Variants in EPM2A observed in about 807,000 individuals in gnomAD.
The protein encoded by EPM2A is laforin.
In EPM2A, 21 loss-of-function variants were observed where a neutral mutation model predicts 26.5. The ratio of observed to expected loss-of-function variants is 0.79; its 90% CI spans 0.56 to 1.14. The LOEUF is 1.14. Among genes scored for constraint, EPM2A ranks in the 50% most tolerant of loss-of-function variants. EPM2A has a pLI of 0.00. For missense variants in EPM2A, 458 were observed against 440.8 expected (o/e 1.04, Z -0.35); for synonymous variants, 217 against 177.6 (o/e 1.22, Z -1.76).
intron 2 of EPM2A, among the ~76,000 whole-genome samples, chr6:145,571,786 A>G (rs895504568): frequency 6.6e-6 from 1 of 152,170 alleles, no homozygotes; most frequent in Non-Finnish European, 1.5e-5. Context: ...CACTTTGTTC[A>G]TGGGCCCACT....
intron 2 of EPM2A, among the ~76,000 whole-genome samples, chr6:145,603,277 A>T (rs1230573421): frequency 8.5e-6 from 1 of 117,692 alleles, no homozygotes; most frequent in Non-Finnish European, 1.8e-5. Flanking sequence ...TTATCTCTAA[A>T]TTAAAAAAAA....
chr6:145,476,857 T>G (rs1779549878), intron 4 of EPM2A, among the ~76,000 whole-genome samples: 2 of 151,458 alleles, frequency 1.3e-5, no homozygotes, highest in Non-Finnish European at 3.0e-5. Context: ...AAGAAAAACT[T>G]CAAATAAACA....
intron 2 of EPM2A, among the ~76,000 whole-genome samples, chr6:145,676,478 T>G (rs1780050167): frequency 6.6e-6 from 1 of 151,914 alleles, no homozygotes; most frequent in African/African-American, 2.4e-5. Flanking sequence ...AAAAAATCAA[T>G]GAATCCAGGA....
intron 4 of EPM2A, among the ~76,000 whole-genome samples, chr6:145,430,290 T>C (rs954293187): frequency 1.6e-4 from 25 of 152,106 alleles, no homozygotes; most frequent in African/African-American, 5.6e-4. Context: ...ATATTTCATG[T>C]GGAAACAGGA....
At chr6:145,500,638 G>A (rs1753493554), downstream of EPM2A, among the ~76,000 whole-genome samples, 1 of 152,092 alleles carries the variant, frequency 6.6e-6, no homozygotes, top group Admixed American at 6.5e-5. Context: ...ACAAACACAT[G>A]GCTCCTGAGA....
intron 2 of EPM2A, among the ~76,000 whole-genome samples, chr6:145,667,783 G>T (rs1460689340): frequency 2.9e-5 from 4 of 135,782 alleles, no homozygotes; most frequent in African/African-American, 6.0e-5. Context: ...AACAATGATA[G>T]ACTGGATTAA....
At chr6:145,606,263 G>C (rs938548678) in intron 2 of EPM2A, among the ~76,000 whole-genome samples, 5 of 151,912 alleles carry the variant, frequency 3.3e-5, no homozygotes, top group Non-Finnish European at 7.4e-5. Context: ...ATTTAATATG[G>C]CATTTCTTAA....
intron 4 of EPM2A, among the ~76,000 whole-genome samples, chr6:145,409,471 A>G: frequency 6.6e-6 from 1 of 152,200 alleles, no homozygotes; most frequent in East Asian, 1.9e-4. Flanking sequence ...TAATTATGCT[A>G]TGATGTTTAA....
intron 4 of EPM2A, among the ~76,000 whole-genome samples, chr6:145,435,756 CT>C (rs1778981735): frequency 6.6e-6 from 1 of 151,548 alleles, no homozygotes. Flanking sequence ...TTGTATCTGG[CT>C]TCTTTCATAT....
intron 2 of EPM2A, among the ~76,000 whole-genome samples, chr6:145,680,725 C>A (rs974850312): frequency 3.1e-4 from 47 of 152,240 alleles, no homozygotes; most frequent in African/African-American, 1.0e-3. Flanking sequence ...ATGAACTCAT[C>A]ATTTTTTATG....
chr6:145,498,267 C>T (rs552151680), downstream of EPM2A, among the ~76,000 whole-genome samples: 1 of 152,302 alleles, frequency 6.6e-6, no homozygotes, highest in South Asian at 2.1e-4. Flanking sequence ...AATTCCAAGC[C>T]AGTGAGTCTT....
chr6:145,569,104 A>G (rs1780922128), intron 2 of EPM2A, among the ~76,000 whole-genome samples: 1 of 152,256 alleles, frequency 6.6e-6, no homozygotes, highest in African/African-American at 2.4e-5. Flanking sequence ...AGTCAGAGAA[A>G]GGAAAAGCAA....
At chr6:145,452,679 ACT>A (rs57153224) in intron 4 of EPM2A, among the ~76,000 whole-genome samples, 88,002 of 143,522 alleles carry the variant, frequency 0.61, 28,969 homozygotes, top group East Asian at 0.8. Flanking sequence ...ACAGAGCAAG[ACT>A]CTGTCTCAAA....
At chr6:145,572,986 C>T (rs1780980630) in intron 2 of EPM2A, among the ~76,000 whole-genome samples, 2 of 152,212 alleles carry the variant, frequency 1.3e-5, no homozygotes, top group South Asian at 4.1e-4. Flanking sequence ...TTATCCTTCA[C>T]CTTAGAAGGA....
intron 2 of EPM2A, among the ~76,000 whole-genome samples, chr6:145,575,401 G>A (rs1371280730): frequency 1.3e-5 from 2 of 152,066 alleles, no homozygotes; most frequent in Non-Finnish European, 2.9e-5. Flanking sequence ...TTTGTTGCAG[G>A]TCAGCCACTT....
At chr6:145,713,260 T>C (rs986926143) in intron 1 of EPM2A, among the ~76,000 whole-genome samples, 3 of 152,198 alleles carry the variant, frequency 2.0e-5, no homozygotes, top group African/African-American at 4.8e-5. Flanking sequence ...GCTTATTTTG[T>C]GGTTTCCTAT....
At chr6:145,694,151 T>A (rs185941271) in intron 1 of EPM2A, among the ~76,000 whole-genome samples, 140 of 152,132 alleles carry the variant, frequency 9.2e-4, no homozygotes, top group African/African-American at 3.1e-3. Flanking sequence ...ATTTGAACTA[T>A]CCTCTTTGGA....
In EPM2A at chr6:145,533,138, T is replaced by C. The variant is rs190348582; in HGVS notation, c.341-30563A>G. The stretch of plus-strand genomic sequence containing the variant: ...AAAACACAACAAAAAAATACCTGTT[T>C]CTTTCTTACTCTTTCTTGTCTTGGA... On this transcript the variant is annotated intron_variant, in intron 2 of 3. Coordinates refer to the EPM2A transcript ENST00000450221. 2.2e-3 allele frequency among the ~76,000 whole-genome samples: 336 copies of C among 152,278 alleles called. 1 individual carries two copies. The highest frequency in any genetic ancestry group is 2.1e-3 in the Admixed American group (32 of 15,288).
chr6:145,415,920 TC>T (rs1342131077), intron 4 of EPM2A, among the ~76,000 whole-genome samples: 1 of 152,152 alleles, frequency 6.6e-6, no homozygotes, highest in African/African-American at 2.4e-5. Flanking sequence ...TGGTTTCCAT[TC>T]TTGCTCTCCA....
Sources: allele counts gnomAD v4.1 joint callset (sites outside exome capture counted in the v4.1 genomes callset), GRCh38; gene constraint gnomAD v4.1.1; transcripts MANE v1.5; gene names NCBI Gene and HGNC (gene_info 2026-07-23, HGNC 2026-07-21).